SOX6: variants seen among roughly 807,000 people sequenced by gnomAD.
SOX6 encodes the protein transcription factor SOX-6.
In SOX6, 11 loss-of-function variants were observed where a neutral mutation model predicts 97.8. The observed-to-expected ratio is 0.11, with a 90% CI of 0.07 to 0.19. The LOEUF is 0.19. Ranked by LOEUF, SOX6 falls within the 10% of genes least tolerant of loss-of-function variation. The pLI, the probability that SOX6 is intolerant of heterozygous loss-of-function variation, is 1.00. For synonymous variants in SOX6, 360 were observed against 371.4 expected (o/e 0.97, Z 0.35); for missense variants, 810 against 1,039.5 (o/e 0.78, Z 3.04).
At chr11:16,435,690 G>C (rs1424837537) in intron 1 of SOX6, among the ~76,000 whole-genome samples, 1 of 151,950 alleles carries the variant, frequency 6.6e-6, no homozygotes, top group Non-Finnish European at 1.5e-5. Flanking sequence ...TACAGCAGCA[G>C]CAGCAGCCCT....
At chr11:16,638,937 G>A (rs1015525035) in intron 3 of SOX6, among the ~76,000 whole-genome samples, 2 of 152,108 alleles carry the variant, frequency 1.3e-5, no homozygotes, top group African/African-American at 4.8e-5. Flanking sequence ...GATCCCATTT[G>A]TCAATTTTGG....
intron 1 of SOX6, among the ~76,000 whole-genome samples, chr11:16,404,900 C>G (rs1369805068): frequency 6.6e-6 from 1 of 151,964 alleles, no homozygotes; most frequent in Non-Finnish European, 1.5e-5. Context: ...TCTTTTTAAT[C>G]TTTTCCTTGA....
intron 4 of SOX6, among the ~76,000 whole-genome samples, chr11:16,593,600 A>G (rs761586321): frequency 6.6e-6 from 1 of 152,152 alleles, no homozygotes; most frequent in African/African-American, 2.4e-5. Context: ...TTCTTTCAAT[A>G]TGAAAATGAA....
chr11:16,443,739 G>A (rs891161676), intron 1 of SOX6, among the ~76,000 whole-genome samples: 12 of 152,068 alleles, frequency 7.9e-5, no homozygotes, highest in Non-Finnish European at 4.4e-5. Flanking sequence ...CCTGGACTGG[G>A]CACGGTGGAT....
Position 15,972,612 on chromosome 11 carries a change from CAAT to C in SOX6, c.*194_*196del, listed in dbSNP as rs1237470601. ...TAAATTAAAAAAACAACAACAACAACAATAACAATAACAACAAAAAACTCAAGT... is the reference window on the plus strand; with the variant it reads ...TAAATTAAAAAAACAACAACAACAACAACAATAACAACAAAAAACTCAAGT... On this transcript the variant is annotated 3_prime_UTR_variant, in exon 16 of 16. Transcript: ENST00000683767. 7 of 613,270 alleles carry C rather than the reference CAAT, an allele frequency of 1.1e-5. No individual in the cohort carries two copies. The highest frequency in any genetic ancestry group is 2.0e-5 in the Non-Finnish European group (7 of 353,338). 38.0% of individuals were successfully genotyped at this position (613,270 alleles called of 1,614,324 possible).
chr11:16,723,462 G>A (rs990581536), intron 2 of SOX6, among the ~76,000 whole-genome samples: 1 of 151,698 alleles, frequency 6.6e-6, no homozygotes, highest in African/African-American at 2.4e-5. Flanking sequence ...ACCTTCACAT[G>A]TACCCCCAAA....
chr11:16,067,276 C>T (rs1848114426), intron 9 of SOX6, among the ~76,000 whole-genome samples: 1 of 151,990 alleles, frequency 6.6e-6, no homozygotes, highest in Admixed American at 6.6e-5. Flanking sequence ...TGTTGTGTCC[C>T]CACCCAAATT....
At chr11:16,114,754 G>T (rs1054619544) in intron 6 of SOX6, among the ~76,000 whole-genome samples, 2 of 152,126 alleles carry the variant, frequency 1.3e-5, no homozygotes, top group Non-Finnish European at 2.9e-5. Context: ...ATGCTCATTT[G>T]AACATGTATT....
intron 2 of SOX6, among the ~76,000 whole-genome samples, chr11:16,329,527 T>C (rs1856215531): frequency 6.6e-6 from 1 of 152,130 alleles, no homozygotes; most frequent in Non-Finnish European, 1.5e-5. Context: ...CTGGGCAAGA[T>C]TTTCCAGTTT....
intron 3 of SOX6, among the ~76,000 whole-genome samples, chr11:16,249,096 C>CGG (rs34640986): frequency 6.8e-6 from 1 of 146,716 alleles, no homozygotes; most frequent in Non-Finnish European, 1.5e-5. Context: ...GGCTCTGTCT[C>CGG]AAAAAAAAAA....
At chr11:16,407,874 A>C (rs1249515119) in intron 1 of SOX6, among the ~76,000 whole-genome samples, 4 of 152,166 alleles carry the variant, frequency 2.6e-5, no homozygotes, top group Non-Finnish European at 4.4e-5. Flanking sequence ...TTACCTAACT[A>C]ATACAGAAAG....
intron 4 of SOX6, among the ~76,000 whole-genome samples, chr11:16,207,004 A>G (rs192207325): frequency 5.9e-5 from 9 of 152,232 alleles, no homozygotes; most frequent in East Asian, 1.9e-4. Context: ...CGCCTCATCT[A>G]ACTTTTGACA....
At chr11:16,050,574 A>G (rs1847661198) in intron 10 of SOX6, among the ~76,000 whole-genome samples, 1 of 152,192 alleles carries the variant, frequency 6.6e-6, no homozygotes, top group Admixed American at 6.5e-5. Flanking sequence ...TATGTTACAC[A>G]TACTATGCTA....
chr11:16,514,042 G>A (rs1190625979), intron 4 of SOX6, among the ~76,000 whole-genome samples: 6 of 151,864 alleles, frequency 4.0e-5, no homozygotes, highest in African/African-American at 4.8e-5. Context: ...TGAGACCTCC[G>A]TCTCTACAAA....
intron 4 of SOX6, among the ~76,000 whole-genome samples, chr11:16,522,781 G>A (rs556927414): frequency 6.6e-6 from 1 of 152,260 alleles, no homozygotes; most frequent in East Asian, 1.9e-4. Context: ...AAAGGATGAA[G>A]GAAGATCTAC....
chr11:16,471,171 G>GA (rs923908485), intron 1 of SOX6, among the ~76,000 whole-genome samples: 1 of 149,442 alleles, frequency 6.7e-6, no homozygotes, highest in Admixed American at 6.7e-5. Context: ...TTAGAGATAA[G>GA]AAAAAATCAA....
At chr11:16,360,856 G>T (rs1857195678), upstream of SOX6, among the ~76,000 whole-genome samples, 1 of 151,642 alleles carries the variant, frequency 6.6e-6, no homozygotes, top group African/African-American at 2.4e-5. Context: ...ACAAAAAGTT[G>T]GCCGGGCATG....
chr11:16,643,876 G>T (rs1453725220), intron 3 of SOX6, among the ~76,000 whole-genome samples: 1 of 152,210 alleles, frequency 6.6e-6, no homozygotes, highest in African/African-American at 2.4e-5. Flanking sequence ...GCAATGCCTT[G>T]CCCTGCTTCA....
At chr11:16,058,830 G>A (rs1847879213) in intron 9 of SOX6, among the ~76,000 whole-genome samples, 1 of 152,044 alleles carries the variant, frequency 6.6e-6, no homozygotes, top group Admixed American at 6.6e-5. Context: ...TAAATCTCCA[G>A]TGACTTCTGT....
Sources: allele counts gnomAD v4.1 joint callset (sites outside exome capture counted in the v4.1 genomes callset), GRCh38; gene constraint gnomAD v4.1.1; transcripts MANE v1.5; gene names NCBI Gene and HGNC (gene_info 2026-07-23, HGNC 2026-07-21).